PPP1R12B: variants seen among roughly 807,000 people sequenced by gnomAD.
The protein encoded by PPP1R12B is protein phosphatase 1 regulatory subunit 12B.
PPP1R12B carries 76 observed loss-of-function variants against 126.1 expected under a neutral mutation model. That is an observed-to-expected ratio of 0.60 (90% CI 0.50 to 0.73). PPP1R12B has a LOEUF of 0.73. Among genes scored for constraint, PPP1R12B ranks in the 30% least tolerant of loss-of-function variants. PPP1R12B has a pLI of 0.00. For synonymous variants in PPP1R12B, 356 were observed against 434.7 expected (o/e 0.82, Z 2.25); for missense variants, 1,052 against 1,205.1 (o/e 0.87, Z 1.88).
chr1:202,417,752 A>C (rs1668266750), intron 2 of PPP1R12B, among the ~76,000 whole-genome samples: 1 of 152,176 alleles, frequency 6.6e-6, no homozygotes, highest in Non-Finnish European at 1.5e-5. Flanking sequence ...GCTTGTGTGA[A>C]GGCCCTTTTC....
At chr1:202,513,416 G>A (rs530964605) in intron 18 of PPP1R12B, among the ~76,000 whole-genome samples, 107 of 152,248 alleles carry the variant, frequency 7.0e-4, no homozygotes, top group South Asian at 2.1e-3. Context: ...GAGAATTCAG[G>A]AGGAAGAATA....
chr1:202,349,864 A>G (rs1180577067), intron 1 of PPP1R12B, among the ~76,000 whole-genome samples: 2 of 152,062 alleles, frequency 1.3e-5, no homozygotes, highest in Non-Finnish European at 2.9e-5. Flanking sequence ...CCCATGCCCC[A>G]TGTATAGCTA....
intron 19 of PPP1R12B, among the ~76,000 whole-genome samples, chr1:202,559,120 C>T (rs946556873): frequency 5.9e-5 from 9 of 152,182 alleles, no homozygotes; most frequent in African/African-American, 1.9e-4. Flanking sequence ...CTTTCCAGTT[C>T]ACCTTGTAGA....
At chr1:202,399,131 G>A (rs555150900) in intron 1 of PPP1R12B, among the ~76,000 whole-genome samples, 1 of 152,056 alleles carries the variant, frequency 6.6e-6, no homozygotes, top group East Asian at 1.9e-4. Context: ...GATATGCCTG[G>A]GGATGGAATA....
chr1:202,429,271 A>T (rs1669917289), intron 6 of PPP1R12B, among the ~76,000 whole-genome samples: 1 of 152,238 alleles, frequency 6.6e-6, no homozygotes, highest in South Asian at 2.1e-4. Flanking sequence ...AGAGTGGAGG[A>T]TACCTCATAG....
intron 18 of PPP1R12B, among the ~76,000 whole-genome samples, chr1:202,518,205 C>T (rs1434279647): frequency 6.6e-6 from 1 of 152,200 alleles, no homozygotes; most frequent in Non-Finnish European, 1.5e-5. Flanking sequence ...TATATATAGG[C>T]AGCTCTGTAA....
chr1:202,476,548 T>C (rs1216542794), intron 13 of PPP1R12B, among the ~76,000 whole-genome samples: 1 of 151,808 alleles, frequency 6.6e-6, no homozygotes, highest in Non-Finnish European at 1.5e-5. Context: ...CTGGGCCTGG[T>C]GGCACATGCC....
intron 18 of PPP1R12B, among the ~76,000 whole-genome samples, chr1:202,497,632 G>C (rs1179205012): frequency 6.6e-6 from 1 of 152,056 alleles, no homozygotes; most frequent in Non-Finnish European, 1.5e-5. Flanking sequence ...CTATATTTTT[G>C]TCTAGATCCA....
intron 18 of PPP1R12B, among the ~76,000 whole-genome samples, chr1:202,503,343 A>G (rs1680434270): frequency 1.3e-5 from 2 of 152,238 alleles, no homozygotes; most frequent in Admixed American, 1.3e-4. Context: ...AGAATACTAC[A>G]GGAAGAATAC....
intron 18 of PPP1R12B, among the ~76,000 whole-genome samples, chr1:202,506,289 A>G (rs535632642): frequency 7.2e-5 from 11 of 152,322 alleles, no homozygotes; most frequent in South Asian, 4.1e-4. Context: ...GTGATTTTCT[A>G]TATATGGGTT....
intron 18 of PPP1R12B, among the ~76,000 whole-genome samples, chr1:202,552,082 C>T (rs1686387023): frequency 6.6e-6 from 1 of 152,138 alleles, no homozygotes; most frequent in Non-Finnish European, 1.5e-5. Context: ...GGTTTTAAGC[C>T]ACTAAATTTT....
chr1:202,361,740 C>T (rs544054736), intron 1 of PPP1R12B, among the ~76,000 whole-genome samples: 2 of 151,908 alleles, frequency 1.3e-5, no homozygotes, highest in African/African-American at 4.8e-5. Context: ...TCAAAGGGAA[C>T]GCTCCAAAGA....
chr1:202,414,403 T>A (rs1306601232), intron 1 of PPP1R12B, among the ~76,000 whole-genome samples: 1 of 152,260 alleles, frequency 6.6e-6, no homozygotes, highest in Non-Finnish European at 1.5e-5. Context: ...TTTCTAACAC[T>A]ATGCATTTGT....
At chr1:202,438,643 G>T in intron 10 of PPP1R12B, 4 of 539,188 alleles carry the variant, frequency 7.4e-6, no homozygotes, top group Non-Finnish European at 1.4e-5. Flanking sequence ...GGCCCCGGAA[G>T]CAGCTGTTGA....
chr1:202,517,883 C>G (rs1205208576), intron 18 of PPP1R12B, among the ~76,000 whole-genome samples: 2 of 152,168 alleles, frequency 1.3e-5, no homozygotes, highest in African/African-American at 4.8e-5. Flanking sequence ...GCGTCAGCCT[C>G]CGAAAGTGCT....
intron 13 of PPP1R12B, among the ~76,000 whole-genome samples, chr1:202,464,498 A>T (rs527662248): frequency 2.0e-5 from 3 of 151,964 alleles, no homozygotes; most frequent in African/African-American, 7.2e-5. Context: ...GGGAATGCAG[A>T]TTTTTTTTGG....
chr1:202,549,285 C>G (rs1282949411), intron 18 of PPP1R12B, among the ~76,000 whole-genome samples: 2 of 152,158 alleles, frequency 1.3e-5, no homozygotes, highest in Admixed American at 1.3e-4. Flanking sequence ...CTGATGTATC[C>G]ACTAAGCTTG....
Position 202,580,661 on chromosome 1 carries a change from G to GGTAGAAGTCTTACATGTT in PPP1R12B, c.*101_*102insGTAGAAGTCTTACATGTT. On this transcript the variant is annotated 3_prime_UTR_variant, in exon 24 of 24. Transcript: ENST00000608999. The stretch of plus-strand genomic sequence containing the variant: ...CCAACCAAAAGAAATGGATGTTTTG[G>GGTAGAAGTCTTACATGTT]TGGAAGGACACTTCTTTCTATCACC... 1.0e-6 allele frequency: 1 copy of GGTAGAAGTCTTACATGTT among 957,844 alleles called. No individual in the cohort carries two copies. Among genetic ancestry groups the GGTAGAAGTCTTACATGTT allele is most frequent in the Non-Finnish European group, 1.7e-6 (1 of 601,392 alleles). The allele number at this position is 957,844 out of a possible 1,614,324, so 59.3% of individuals were successfully genotyped here. A position where few individuals can be genotyped will look rare whatever the true frequency, so the allele number is the denominator to read the frequency against.
At chr1:202,397,727 G>C (rs192978204) in intron 1 of PPP1R12B, among the ~76,000 whole-genome samples, 15 of 152,242 alleles carry the variant, frequency 9.9e-5, no homozygotes, top group African/African-American at 3.1e-4. Context: ...AAGAAAAAAA[G>C]TTGTTGATAA....
Sources: gnomAD v4.1 joint callset for allele counts (sites outside exome capture counted in the v4.1 genomes callset) on GRCh38, gnomAD v4.1.1 for gene constraint, MANE v1.5 for transcripts, NCBI Gene and HGNC (gene_info 2026-07-23, HGNC 2026-07-21) for gene names.